CDON: variants seen among roughly 807,000 people sequenced by gnomAD.
The protein encoded by CDON is cell adhesion molecule-related/down-regulated by oncogenes.
A neutral mutation model predicts 120.9 loss-of-function variants in CDON; 73 were observed. The observed-to-expected ratio is 0.60, with a 90% CI of 0.50 to 0.73. The LOEUF (loss-of-function observed/expected upper bound fraction) is 0.73. Among genes scored for constraint, CDON ranks in the 30% least tolerant of loss-of-function variants. The pLI, the probability that CDON is intolerant of heterozygous loss-of-function variation, is 0.00. For missense variants in CDON, 1,470 were observed against 1,587.3 expected (o/e 0.93, Z 1.26); for synonymous variants, 566 against 573.5 (o/e 0.99, Z 0.19).
intron 11 of CDON, among the ~76,000 whole-genome samples, chr11:125,998,450 C>T (rs559071954): frequency 1.1e-4 from 16 of 152,236 alleles, no homozygotes; most frequent in African/African-American, 3.9e-4. Context: ...GCTTCCTTTC[C>T]CACCATGTGA....
At chr11:125,963,177 C>T (rs561083558) in intron 18 of CDON, among the ~76,000 whole-genome samples, 42 of 152,230 alleles carry the variant, frequency 2.8e-4, no homozygotes, top group Middle Eastern at 6.8e-3. Context: ...AGGGTAGACT[C>T]TTATTCAGTT....
At chr11:126,008,224 G>C (rs952897950) in intron 8 of CDON, among the ~76,000 whole-genome samples, 2 of 152,142 alleles carry the variant, frequency 1.3e-5, no homozygotes, top group African/African-American at 4.8e-5. Context: ...AGGCTGGGGA[G>C]AGAGTTATCT....
At position 126,018,373 on chromosome 11, in the gene CDON, ATGTGTG is replaced by A; in HGVS notation, c.591_596del (p.Thr198_His199del). 6.2e-7 allele frequency: 1 copy of A among 1,614,040 alleles called. No homozygotes were observed. Among genetic ancestry groups the A allele is most frequent in the Non-Finnish European group, 8.5e-7 (1 of 1,179,938 alleles). On this transcript the variant is annotated inframe_deletion, in exon 5 of 20. Transcript: ENST00000531738. ...GGCCAATAGGTTCAACTTTTAATTG[ATGTGTG>A]ACAGGATTATAAGCTGCACATTTGT...
intron 18 of CDON, among the ~76,000 whole-genome samples, chr11:125,974,518 GA>G (rs952883103): frequency 1.3e-5 from 2 of 151,568 alleles, no homozygotes; most frequent in African/African-American, 4.9e-5. Flanking sequence ...AAGGCAGTAA[GA>G]AAAAATAACA....
chr11:126,038,371 G>A (rs1249842228), intron 1 of CDON, among the ~76,000 whole-genome samples: 1 of 152,166 alleles, frequency 6.6e-6, no homozygotes, highest in Admixed American at 6.5e-5. Context: ...AGAATCTCAG[G>A]CTTGACATGG....
At chr11:126,033,558 C>T (rs1948008345) in intron 1 of CDON, among the ~76,000 whole-genome samples, 2 of 152,140 alleles carry the variant, frequency 1.3e-5, no homozygotes, top group African/African-American at 4.8e-5. Context: ...GGGATGGAGT[C>T]AAACAGTCAG....
intron 1 of CDON, among the ~76,000 whole-genome samples, chr11:126,058,759 G>C (rs1948732072): frequency 6.6e-6 from 1 of 152,142 alleles, no homozygotes; most frequent in African/African-American, 2.4e-5. Flanking sequence ...GAAACAAACT[G>C]GGCTAATATT....
At chr11:126,007,214 G>C (rs1947153060) in intron 8 of CDON, among the ~76,000 whole-genome samples, 3 of 152,116 alleles carry the variant, frequency 2.0e-5, no homozygotes, top group Admixed American at 2.0e-4. Context: ...GTAAAAGATG[G>C]GTGTGTTTTT....
intron 8 of CDON, among the ~76,000 whole-genome samples, chr11:126,007,309 G>C (rs1311554181): frequency 6.6e-6 from 1 of 152,230 alleles, no homozygotes; most frequent in Non-Finnish European, 1.5e-5. Context: ...TTAAAAGAGA[G>C]AAAGGGTGTC....
intron 16 of CDON, 26 bp downstream of exon 16, chr11:125,983,846 G>C: frequency 6.6e-7 from 1 of 1,518,202 alleles, no homozygotes. Flanking sequence ...TAGAAAAAGA[G>C]AAGGAGATAT....
intron 5 of CDON, 71 bp downstream of exon 5, chr11:126,018,259 G>T: frequency 7.1e-7 from 1 of 1,413,640 alleles, no homozygotes; most frequent in Non-Finnish European, 1.0e-6. Flanking sequence ...AAAAAAAAAT[G>T]AACTATCATT....
In CDON at chr11:125,960,110, C is replaced by T. The variant is rs1945600968; in HGVS notation, c.*832G>A. 1 of 152,200 alleles carries T rather than the reference C, an allele frequency of 6.6e-6. No individual in the cohort carries two copies. Among genetic ancestry groups the T allele is most frequent in the African/African-American group, 2.4e-5 (1 of 41,446 alleles). The allele number at this position is 152,200 out of a possible 1,614,324, so 9.4% of individuals were successfully genotyped here. On this transcript the variant is annotated 3_prime_UTR_variant, in exon 20 of 20. Transcript: ENST00000531738. ...ATACAAAGTCAACAGGTCACATTAC[C>T]ACTTCTGTGGAAGGCACTCTTGTAA...
At chr11:126,047,577 T>C (rs1004091951) in intron 1 of CDON, among the ~76,000 whole-genome samples, 1 of 152,212 alleles carries the variant, frequency 6.6e-6, no homozygotes, top group African/African-American at 2.4e-5. Context: ...ACTGCTCGCA[T>C]GCAGTAAGTA....
chr11:126,060,654 G>T (rs557650164), intron 1 of CDON, among the ~76,000 whole-genome samples: 1 of 152,142 alleles, frequency 6.6e-6, no homozygotes, highest in Non-Finnish European at 1.5e-5. Flanking sequence ...GCAGATGGGC[G>T]AAGTGGGAAA....
chr11:126,002,609 G>A (rs746813487), intron 10 of CDON, among the ~76,000 whole-genome samples: 9 of 152,020 alleles, frequency 5.9e-5, no homozygotes, highest in Non-Finnish European at 1.0e-4. Context: ...CTCACAAGCC[G>A]CCCTGCAGAA....
Position 125,959,265 on chromosome 11 carries a change from C to T in CDON, c.*1677G>A, listed in dbSNP as rs1945573366. The T allele has an allele frequency of 6.6e-6, 1 of 152,168 alleles. No homozygotes were observed. The highest frequency in any genetic ancestry group is 2.1e-4 in the South Asian group (1 of 4,834). 9.4% of individuals were successfully genotyped at this position (152,168 alleles called of 1,614,324 possible). A position where few individuals can be genotyped will look rare whatever the true frequency, so the allele number is the denominator to read the frequency against. ...GGTTAACACAGTATTGTATTCTATT[C>T]CACTGCGATTTCTGGGAAACTAACA... On this transcript the variant is annotated 3_prime_UTR_variant, in exon 20 of 20. Transcript: ENST00000531738.
At chr11:125,970,172 GTTTTTTTTTTTT>G (rs36021097) in intron 18 of CDON, among the ~76,000 whole-genome samples, 1 of 103,186 alleles carries the variant, frequency 9.7e-6, no homozygotes, top group African/African-American at 3.7e-5. Context: ...GGTAGTTTAT[GTTTTTTTTTTTT>G]TTTTTTTTTG....
At position 125,960,092 on chromosome 11, in the gene CDON, G is replaced by C. The variant is rs980866872; in HGVS notation, c.*850C>G. 5.3e-5 allele frequency: 8 copies of C among 152,164 alleles called. No homozygotes were observed. The highest frequency in any genetic ancestry group is 1.7e-4 in the African/African-American group (7 of 41,436). 9.4% of individuals were successfully genotyped at this position (152,164 alleles called of 1,614,324 possible). A position where few individuals can be genotyped will look rare whatever the true frequency, so the allele number is the denominator to read the frequency against. On this transcript the variant is annotated 3_prime_UTR_variant, in exon 20 of 20. Transcript: ENST00000531738. ...ACTCGTGCCCACGTGCAGATACAAA[G>C]TCAACAGGTCACATTACCACTTCTG...
intron 7 of CDON, 150 bp downstream of exon 7, chr11:126,015,091 T>A (rs1199161121): frequency 5.3e-6 from 4 of 751,012 alleles, no homozygotes; most frequent in East Asian, 2.7e-5. Flanking sequence ...AATGCCTACC[T>A]GTCACTAGCC....
Sources: allele counts gnomAD v4.1 joint callset (sites outside exome capture counted in the v4.1 genomes callset), GRCh38; gene constraint gnomAD v4.1.1; transcripts MANE v1.5; gene names NCBI Gene and HGNC (gene_info 2026-07-23, HGNC 2026-07-21).